The following RIIAD1 variants were observed in gnomAD, a reference collection of about 807,000 sequenced individuals.
The protein encoded by RIIAD1 is RIIa domain-containing protein 1.
RIIAD1 carries 15 observed loss-of-function variants against 13.3 expected under a neutral mutation model. The ratio of observed to expected loss-of-function variants is 1.13; its 90% CI spans 0.76 to 1.74. RIIAD1 has a LOEUF of 1.74. RIIAD1 is among the 40% of genes most tolerant of loss of function. RIIAD1 has a pLI of 0.00. For missense variants in RIIAD1, 121 were observed against 112.2 expected, an observed-to-expected ratio of 1.08 and a Z score of -0.35; for synonymous variants, 50 against 43.3, an observed-to-expected ratio of 1.16 and a Z score of -0.61.
At chr1:151,728,518 G>A (rs1363483399) in intron 3 of RIIAD1, 6 of 490,562 alleles carry the variant, frequency 1.2e-5, no homozygotes, top group Non-Finnish European at 1.8e-5. Context: ...CAGGCACAGC[G>A]TGGAGGGGAG....
At chr1:151,714,503 G>T in exon 4 of RIIAD1, 1 of 919,716 alleles carries the variant, frequency 1.1e-6, no homozygotes, top group Non-Finnish European at 1.8e-6. Context: ...AGAGGAGGTG[G>T]AAATTATGCT....
exon 4 of RIIAD1, chr1:151,714,519 T>C: frequency 9.7e-7 from 1 of 1,027,338 alleles, no homozygotes; most frequent in African/African-American, 1.6e-5. Context: ...ATGCTCAGTG[T>C]CAGGAGGGTG....
chr1:151,727,984 A>C (rs1224768168), intron 3 of RIIAD1, among the ~76,000 whole-genome samples: 1 of 152,168 alleles, frequency 6.6e-6, no homozygotes, highest in African/African-American at 2.4e-5. Context: ...CCCCACCACC[A>C]GAGAGTTTTA....
At chr1:151,724,214 C>T (rs2101510404) in intron 2 of RIIAD1, among the ~76,000 whole-genome samples, 1 of 152,326 alleles carries the variant, frequency 6.6e-6, no homozygotes, top group Non-Finnish European at 1.5e-5. Flanking sequence ...CCTTTCCTTT[C>T]TTACCATGTT....
At position 151,729,791 on chromosome 1, in the gene RIIAD1, ACAAG is replaced by A. The variant is rs1443226879; in HGVS notation, c.*366_*369del. The stretch of plus-strand genomic sequence containing the variant: ...CACAGCTGATCACGGGGGCACAGAA[ACAAG>A]CAAGTCCATGCTTCAGCTGTGGTTT... On this transcript the variant is annotated 3_prime_UTR_variant, in exon 5 of 5. Transcript: ENST00000479191. 7.2e-5 allele frequency: 11 copies of A among 152,342 alleles called. No homozygotes were observed. The highest frequency in any genetic ancestry group is 2.4e-4 in the African/African-American group (10 of 41,570). The allele number at this position is 152,342 out of a possible 1,614,324, so 9.4% of individuals were successfully genotyped here.
At chr1:151,725,777 C>T (rs183880635) in intron 2 of RIIAD1, among the ~76,000 whole-genome samples, 21 of 152,324 alleles carry the variant, frequency 1.4e-4, no homozygotes, top group Admixed American at 1.3e-3. Context: ...GTATAATATT[C>T]CAGCATGTGT....
intron 3 of RIIAD1, among the ~76,000 whole-genome samples, chr1:151,714,185 C>A (rs976234779): frequency 6.6e-6 from 1 of 152,106 alleles, no homozygotes; most frequent in Admixed American, 6.5e-5. Flanking sequence ...GGGCACTCCT[C>A]CCTCATCTCA....
chr1:151,714,305 C>CGAGT (rs932038986), intron 3 of RIIAD1: 30 of 581,062 alleles, frequency 5.2e-5, no homozygotes, highest in African/African-American at 4.9e-4. Flanking sequence ...TTCCAACCAG[C>CGAGT]GAGTCCTCCC....
upstream of RIIAD1, among the ~76,000 whole-genome samples, chr1:151,719,939 C>T (rs1390847768): frequency 6.6e-6 from 1 of 152,122 alleles, no homozygotes; most frequent in African/African-American, 2.4e-5. Flanking sequence ...GTTTGCTGGT[C>T]CAGGCTCTGG....
At chr1:151,728,616 C>A in intron 3 of RIIAD1, 150 bp from the exon 4 acceptor site, 1 of 627,178 alleles carries the variant, frequency 1.6e-6, no homozygotes, top group South Asian at 1.8e-5. Context: ...GTTCATTTTA[C>A]CATATTACAT....
intron 3 of RIIAD1, chr1:151,728,367 T>G: frequency 4.6e-6 from 1 of 219,026 alleles, no homozygotes; most frequent in Non-Finnish European, 9.0e-6. Flanking sequence ...ATACTTGGCA[T>G]TTATTTGGGC....
At chr1:151,720,169 A>G (rs1673711910), upstream of RIIAD1, among the ~76,000 whole-genome samples, 1 of 152,148 alleles carries the variant, frequency 6.6e-6, no homozygotes, top group African/African-American at 2.4e-5. Flanking sequence ...TATTTGCTGC[A>G]CATTTAACAC....
At chr1:151,722,053 T>C (rs1220303902) in intron 1 of RIIAD1, 33 bp from the exon 2 acceptor site, 12 of 1,459,560 alleles carry the variant, frequency 8.2e-6, no homozygotes, top group Non-Finnish European at 9.4e-6. Flanking sequence ...ATCTGTCTCC[T>C]AATGGAAGTG....
chr1:151,712,175 G>A (rs1278741692), intron 2 of RIIAD1, among the ~76,000 whole-genome samples: 1 of 152,122 alleles, frequency 6.6e-6, no homozygotes, highest in Non-Finnish European at 1.5e-5. Flanking sequence ...GCAACCAGGC[G>A]CAGCACCTTT....
At chr1:151,714,722 C>G in intron 4 of RIIAD1, 1 of 1,304,250 alleles carries the variant, frequency 7.7e-7, no homozygotes, top group Non-Finnish European at 1.1e-6. Context: ...GGTGAGTCCT[C>G]CATCTCCCCT....
At position 151,728,891 on chromosome 1, in the gene RIIAD1, G is replaced by GA; in HGVS notation, c.*55_*56insA. The GA allele has an allele frequency of 1.0e-6, 1 of 998,738 alleles. No homozygotes were observed. Among genetic ancestry groups the GA allele is most frequent in the Non-Finnish European group, 1.6e-6 (1 of 643,392 alleles). 61.9% of individuals were successfully genotyped at this position (998,738 alleles called of 1,614,324 possible). A position where few individuals can be genotyped will look rare whatever the true frequency, so the allele number is the denominator to read the frequency against. On this transcript the variant is annotated splice_region_variant and 3_prime_UTR_variant, in exon 4 of 5. Coordinates refer to ENST00000479191, the MANE Select transcript of RIIAD1 (RefSeq NM_001144956.3). ...GAGAGACCAGACGGAATCCAGCCTCGGGGTGGGTGTTAACCTCACTTACAG... is the reference window on the plus strand; with the variant it reads ...GAGAGACCAGACGGAATCCAGCCTCGAGGGTGGGTGTTAACCTCACTTACAG...
chr1:151,714,549 T>C (rs1349103070), intron 4 of RIIAD1: 16 of 1,441,956 alleles, frequency 1.1e-5, no homozygotes. Context: ...CTGCCACTTC[T>C]ATGGCCCTTC....
At chr1:151,715,522 G>C in intron 4 of RIIAD1, 1 of 804,058 alleles carries the variant, frequency 1.2e-6, no homozygotes, top group Non-Finnish European at 1.8e-6. Context: ...TGCTGCACAC[G>C]CACACACACA....
At chr1:151,729,278 G>C (rs986291889) in intron 4 of RIIAD1, among the ~76,000 whole-genome samples, 2 of 152,166 alleles carry the variant, frequency 1.3e-5, no homozygotes, top group Admixed American at 6.5e-5. Context: ...GCTTCTGGAA[G>C]GGGTGTGAGC....
Sources: gnomAD v4.1 joint callset for allele counts (sites outside exome capture counted in the v4.1 genomes callset) on GRCh38, gnomAD v4.1.1 for gene constraint, MANE v1.5 for transcripts, NCBI Gene and HGNC (gene_info 2026-07-23, HGNC 2026-07-21) for gene names.